Variants in MCF2L2 observed in about 807,000 individuals in gnomAD.
The protein encoded by MCF2L2 is MCF.2 cell line derived transforming sequence-like 2.
In MCF2L2, 102 loss-of-function variants were observed where a neutral mutation model predicts 150.2. That is an observed-to-expected ratio of 0.68 (90% CI 0.58 to 0.80). The LOEUF (loss-of-function observed/expected upper bound fraction) is 0.80. MCF2L2 is among the 30% of genes least tolerant of loss of function. MCF2L2 has a pLI of 0.00. For missense variants in MCF2L2, 1,256 were observed against 1,372.8 expected (o/e 0.91, Z 1.34); for synonymous variants, 465 against 491.3 (o/e 0.95, Z 0.71).
intron 1 of MCF2L2, among the ~76,000 whole-genome samples, chr3:183,414,762 C>T (rs1715499851): frequency 6.6e-6 from 1 of 152,048 alleles, no homozygotes; most frequent in Admixed American, 6.6e-5. Context: ...TGTCTTGATT[C>T]TCTCTCATCT....
Position 183,270,974 on chromosome 3 carries a change from C to T in MCF2L2, c.1862+5898G>A. 6.6e-7 allele frequency: 1 copy of T among 1,504,482 alleles called. No homozygotes were observed. The highest frequency in any genetic ancestry group is 2.3e-5 in the East Asian group (1 of 43,668). 93.2% of individuals were successfully genotyped at this position (1,504,482 alleles called of 1,614,324 possible). The stretch of plus-strand genomic sequence containing the variant: ...TTGTATGTTTTCACTGTCACTGAGT[C>T]AAACCTGGATGAAAAAAACCTTTAA... On this transcript the variant is annotated intron_variant, in intron 15 of 29. Coordinates refer to ENST00000328913, the MANE Select transcript of MCF2L2 (RefSeq NM_015078.4). This position sits in a 1 kb window ranked among gnomAD's most constrained non-coding sequence, Gnocchi z 4.5.
rs893803110 is a variant in MCF2L2, at chr3:183,263,685, A to AC, written c.1862+13186dup. 5.3e-5 allele frequency among the ~76,000 whole-genome samples: 8 copies of AC among 151,860 alleles called. No homozygotes were observed. In the East Asian group the frequency reaches 9.7e-4, roughly 18 times the overall value. The stretch of plus-strand genomic sequence containing the variant: ...CCTGTCTAACTCGTCTTAGATTATT[A>AC]CCCCCTGGACATCTGTACCTTCTTG... On this transcript the variant is annotated intron_variant, in intron 15 of 29. Coordinates refer to ENST00000328913, the MANE Select transcript of MCF2L2 (RefSeq NM_015078.4).
chr3:183,400,122 T>C (rs1714662517), intron 1 of MCF2L2, among the ~76,000 whole-genome samples: 1 of 152,344 alleles, frequency 6.6e-6, no homozygotes, highest in Admixed American at 6.5e-5. Context: ...GTTTTTATTA[T>C]GAATCTACCT....
intron 1 of MCF2L2, among the ~76,000 whole-genome samples, chr3:183,394,353 T>G (rs879901083): frequency 1.4e-4 from 21 of 152,304 alleles, no homozygotes; most frequent in Non-Finnish European, 2.2e-4. Context: ...AGTTGCACAA[T>G]GACAGAAAAG....
chr3:183,210,865 G>C (rs556065180), intron 22 of MCF2L2, among the ~76,000 whole-genome samples: 1 of 152,182 alleles, frequency 6.6e-6, no homozygotes, highest in Non-Finnish European at 1.5e-5. Context: ...CAAGTAATCA[G>C]AGGATGTGAA....
At chr3:183,416,570 G>A (rs931797201) in intron 1 of MCF2L2, among the ~76,000 whole-genome samples, 22 of 152,058 alleles carry the variant, frequency 1.4e-4, no homozygotes, top group African/African-American at 5.1e-4. Context: ...CTTAATGCTG[G>A]CAACACAGCA....
chr3:183,265,593 T>C (rs965823077), intron 15 of MCF2L2: 4 of 152,248 alleles, frequency 2.6e-5, no homozygotes, highest in Non-Finnish European at 4.4e-5. Flanking sequence ...TCAATTTAGA[T>C]CGGGCGCAGG....
intron 27 of MCF2L2, among the ~76,000 whole-genome samples, chr3:183,180,661 C>T (rs1215879463): frequency 6.6e-6 from 1 of 152,252 alleles, no homozygotes; most frequent in South Asian, 2.1e-4. Context: ...ATTAATCCAT[C>T]AGTCTTGTCT....
chr3:183,339,925 CAA>C (rs1207662776), intron 4 of MCF2L2, among the ~76,000 whole-genome samples: 2 of 152,108 alleles, frequency 1.3e-5, no homozygotes, highest in Non-Finnish European at 2.9e-5. Flanking sequence ...ATAAAGTGAT[CAA>C]CGTAATTCTG....
At chr3:183,248,652 T>C (rs1218478976) in intron 15 of MCF2L2, among the ~76,000 whole-genome samples, 3 of 152,048 alleles carry the variant, frequency 2.0e-5, no homozygotes, top group Non-Finnish European at 4.4e-5. Flanking sequence ...CTGGGCAACA[T>C]AGTGAGCAAC....
intron 14 of MCF2L2, among the ~76,000 whole-genome samples, chr3:183,286,298 T>G (rs78657137): frequency 0.02 from 3,014 of 152,292 alleles, 60 homozygotes; most frequent in East Asian, 0.052. Context: ...GGGTGGCATT[T>G]ATCACAATGC....
In MCF2L2 at chr3:183,231,045, GAA is replaced by G. The variant is rs748864848; in HGVS notation, c.1863-30_1863-29del. The G allele has an allele frequency of 2.0e-6, 3 of 1,521,008 alleles. No individual in the cohort carries two copies. The Admixed American group carries it at 5.0e-5, about 25-fold the overall frequency. The allele number at this position is 1,521,008 out of a possible 1,614,324, so 94.2% of individuals were successfully genotyped here. A position where few individuals can be genotyped will look rare whatever the true frequency, so the allele number is the denominator to read the frequency against. Reference sequence around the variant, plus strand: ...GAATCACAGCAGCAGGTGGGAGGGTGAAAGAGAGAGAGACAGGGAGAGGAGAA... The same window carrying G: ...GAATCACAGCAGCAGGTGGGAGGGTGAGAGAGAGAGACAGGGAGAGGAGAA... On this transcript the variant is annotated intron_variant, in intron 15 of 29. Transcript: ENST00000328913.
At chr3:183,243,921 G>A (rs1286899161) in intron 15 of MCF2L2, among the ~76,000 whole-genome samples, 1 of 152,064 alleles carries the variant, frequency 6.6e-6, no homozygotes, top group East Asian at 1.9e-4. Context: ...CGGATCACGA[G>A]GTCAGGAGAC....
chr3:183,275,099 C>T (rs1727085494), intron 15 of MCF2L2, among the ~76,000 whole-genome samples: 1 of 152,210 alleles, frequency 6.6e-6, no homozygotes, highest in South Asian at 2.1e-4. Flanking sequence ...TCCAATTCTA[C>T]CTCCTCTCTT....
At position 183,228,351 on chromosome 3, in the gene MCF2L2, C is replaced by G. The variant is rs781227017; in HGVS notation, c.2061G>C (p.Glu687Asp). 1.2e-6 allele frequency: 2 copies of G among 1,611,966 alleles called. No homozygotes were observed. The highest frequency in any genetic ancestry group is 1.7e-5 in the Admixed American group (1 of 59,994). ...YEFHNRTFLK[E>D]LEKCAENPEL... ...CAGGGTTCTCAGCACACTTTTCCAA[C>G]TCTTTTAGAAAAGTCCTAGAAAAAT... Residue 687 changes from glutamate (E) to aspartate (D), a missense_variant, in exon 18 of 30, where the codon GAG becomes GAC. Physicochemically the swap from Glu to Asp is conservative, Grantham distance 45. Coordinates refer to ENST00000328913, the MANE Select transcript of MCF2L2 (RefSeq NM_015078.4).
rs1367796132 is a variant in MCF2L2, at chr3:183,270,020, A to G, written c.1862+6852T>C. Reference sequence around the variant, plus strand: ...ACACCTCAGCGGGGCCTCGCTACCAATACTTGATTAACCACAAGGAAAAGT... The same window carrying G: ...ACACCTCAGCGGGGCCTCGCTACCAGTACTTGATTAACCACAAGGAAAAGT... On this transcript the variant is annotated intron_variant, in intron 15 of 29. Transcript: ENST00000328913. The surrounding 1 kb of genome is among the most constrained non-coding windows in gnomAD (Gnocchi z 4.5). 3 of 1,614,058 alleles carry G rather than the reference A, an allele frequency of 1.9e-6. No individual in the cohort carries two copies. The highest frequency in any genetic ancestry group is 2.2e-5 in the East Asian group (1 of 44,884).
Position 183,276,862 on chromosome 3 carries a change from G to C in MCF2L2, c.1862+10C>G. 1 of 1,601,460 alleles carries C rather than the reference G, an allele frequency of 6.2e-7. No individual in the cohort carries two copies. Among genetic ancestry groups the C allele is most frequent in the Non-Finnish European group, 8.5e-7 (1 of 1,172,626 alleles). On this transcript the variant is annotated intron_variant, in intron 15 of 29. Coordinates refer to ENST00000328913, the MANE Select transcript of MCF2L2 (RefSeq NM_015078.4). ...CCTCGCCCCCTGCACCCACGGATGT[G>C]CAGTCTTACCTGCGGGGGGAAAGGT...
intron 14 of MCF2L2, among the ~76,000 whole-genome samples, chr3:183,281,031 A>G (rs1231994077): frequency 4.6e-5 from 7 of 152,182 alleles, no homozygotes; most frequent in African/African-American, 1.7e-4. Context: ...TGTTTAAAGC[A>G]TAGAGAATGA....
At chr3:183,338,276 G>A (rs1034099594) in intron 5 of MCF2L2, among the ~76,000 whole-genome samples, 3 of 151,600 alleles carry the variant, frequency 2.0e-5, no homozygotes, top group African/African-American at 4.9e-5. Flanking sequence ...GAGAAACCCC[G>A]TCTCTACTAA....
Sources: allele counts gnomAD v4.1 joint callset (sites outside exome capture counted in the v4.1 genomes callset), GRCh38; gene constraint gnomAD v4.1.1; non-coding constraint Gnocchi (gnomAD v3.1); transcripts MANE v1.5; gene names NCBI Gene and HGNC (gene_info 2026-07-23, HGNC 2026-07-21).